SLIT3: variants seen among roughly 807,000 people sequenced by gnomAD.
SLIT3 encodes slit guidance ligand 3, also known as slit homolog 3 protein.
In SLIT3, 68 loss-of-function variants were observed where a neutral mutation model predicts 184.0. The observed-to-expected ratio is 0.37, with a 90% CI of 0.30 to 0.45. The LOEUF (loss-of-function observed/expected upper bound fraction) is 0.45, where lower values mean the gene tolerates loss of function less well. SLIT3 is among the 20% of genes least tolerant of loss of function. SLIT3 has a pLI of 1.00. For synonymous variants in SLIT3, 831 were observed against 828.6 expected, an observed-to-expected ratio of 1.00 and a Z score of -0.05; for missense variants, 1,707 against 2,026.0, an observed-to-expected ratio of 0.84 and a Z score of 3.02.
chr5:169,015,969 C>T (rs1391354252), intron 4 of SLIT3, among the ~76,000 whole-genome samples: 1 of 136,442 alleles, frequency 7.3e-6, no homozygotes, highest in Non-Finnish European at 1.5e-5. Context: ...CACACACACA[C>T]ACACACACAC....
chr5:168,905,932 G>A (rs1554158529), intron 4 of SLIT3, among the ~76,000 whole-genome samples: 2 of 152,188 alleles, frequency 1.3e-5, no homozygotes, highest in Non-Finnish European at 2.9e-5. Context: ...GGAGTGCCAG[G>A]AAGCAAAGCA....
intron 4 of SLIT3, among the ~76,000 whole-genome samples, chr5:169,097,412 A>G (rs1396200512): frequency 1.3e-5 from 2 of 152,148 alleles, no homozygotes; most frequent in South Asian, 2.1e-4. Context: ...GGAAGGAAAA[A>G]AGGAGGAAGA....
intron 3 of SLIT3, among the ~76,000 whole-genome samples, chr5:169,200,341 T>A (rs1763872314): frequency 6.6e-6 from 1 of 152,218 alleles, no homozygotes; most frequent in African/African-American, 2.4e-5. Flanking sequence ...ATGAACTCAA[T>A]TGTTTCCCCT....
At chr5:168,880,611 T>A (rs1322626251) in intron 5 of SLIT3, among the ~76,000 whole-genome samples, 1 of 152,226 alleles carries the variant, frequency 6.6e-6, no homozygotes, top group Admixed American at 6.5e-5. Context: ...AAGTTATTCA[T>A]ATGCATTATT....
chr5:168,767,825 T>C (rs750534477), intron 14 of SLIT3, among the ~76,000 whole-genome samples: 8 of 152,204 alleles, frequency 5.3e-5, no homozygotes, highest in Non-Finnish European at 8.8e-5. Flanking sequence ...GCGTATGCCT[T>C]GGGTATACTT....
At chr5:169,158,517 T>C (rs1363348723) in intron 4 of SLIT3, among the ~76,000 whole-genome samples, 1 of 151,954 alleles carries the variant, frequency 6.6e-6, no homozygotes, top group Non-Finnish European at 1.5e-5. Flanking sequence ...TATTAGAATA[T>C]TCAGAAAAAG....
At chr5:169,281,017 T>C (rs770933930) in intron 1 of SLIT3, among the ~76,000 whole-genome samples, 4 of 152,078 alleles carry the variant, frequency 2.6e-5, no homozygotes, top group Non-Finnish European at 5.9e-5. Flanking sequence ...ACTGTCTCAG[T>C]GTTGGGGTCA....
chr5:168,717,421 G>A (rs1476750620), intron 23 of SLIT3, among the ~76,000 whole-genome samples: 4 of 151,712 alleles, frequency 2.6e-5, no homozygotes, highest in Non-Finnish European at 5.9e-5. Context: ...ACTGGGTTAG[G>A]TGCCTCTCAC....
chr5:168,673,117 T>G, intron 33 of SLIT3, 60 bp downstream of exon 33: 1 of 1,557,084 alleles, frequency 6.4e-7, no homozygotes, highest in Non-Finnish European at 8.8e-7. Flanking sequence ...GGCCTGGGTT[T>G]CTGTACTGGA....
At chr5:168,996,642 A>T (rs556141432) in intron 4 of SLIT3, among the ~76,000 whole-genome samples, 1 of 152,310 alleles carries the variant, frequency 6.6e-6, no homozygotes, top group South Asian at 2.1e-4. Context: ...GCTTGTAGAC[A>T]TTTCACTGAT....
chr5:169,063,429 C>T (rs1437248306), intron 4 of SLIT3, among the ~76,000 whole-genome samples: 1 of 152,216 alleles, frequency 6.6e-6, no homozygotes, highest in Non-Finnish European at 1.5e-5. Flanking sequence ...TCCCACATTC[C>T]CTCGATTCTC....
intron 4 of SLIT3, among the ~76,000 whole-genome samples, chr5:169,088,309 G>T (rs537256559): frequency 2.0e-5 from 3 of 151,896 alleles, no homozygotes; most frequent in African/African-American, 7.3e-5. Context: ...GACACAGCAC[G>T]TATTACAAAG....
At chr5:168,793,958 T>C (rs1739997082) in intron 10 of SLIT3, among the ~76,000 whole-genome samples, 1 of 152,246 alleles carries the variant, frequency 6.6e-6, no homozygotes, top group South Asian at 2.1e-4. Flanking sequence ...TGCCTCATTA[T>C]GTTGGTTTCC....
intron 28 of SLIT3, among the ~76,000 whole-genome samples, chr5:168,693,680 G>A (rs1253931284): frequency 6.6e-6 from 1 of 152,182 alleles, no homozygotes; most frequent in Non-Finnish European, 1.5e-5. Context: ...GGCGGGGAAA[G>A]CTGCCTTAGC....
chr5:169,258,189 C>T (rs937946375), intron 1 of SLIT3, among the ~76,000 whole-genome samples: 1 of 152,142 alleles, frequency 6.6e-6, no homozygotes, highest in Admixed American at 6.5e-5. Flanking sequence ...TGAACCTGGG[C>T]TCTCTGAATG....
intron 6 of SLIT3, among the ~76,000 whole-genome samples, chr5:168,826,612 G>A (rs947415595): frequency 1.3e-5 from 2 of 152,136 alleles, no homozygotes; most frequent in Non-Finnish European, 2.9e-5. Context: ...ATCTCATTAC[G>A]TTTCCTCCTT....
chr5:168,833,796 G>A (rs72827679), intron 6 of SLIT3, among the ~76,000 whole-genome samples: 194 of 152,306 alleles, frequency 1.3e-3, no homozygotes, highest in Non-Finnish European at 1.8e-3. Flanking sequence ...ATGGCTGTGG[G>A]CAAGTCATTT....
intron 4 of SLIT3, among the ~76,000 whole-genome samples, chr5:168,956,777 G>A (rs1762842208): frequency 6.6e-6 from 1 of 151,950 alleles, no homozygotes; most frequent in South Asian, 2.1e-4. Flanking sequence ...TGGTGACAGA[G>A]TGACACTCCA....
At chr5:168,718,886 A>G (rs932007145) in intron 23 of SLIT3, among the ~76,000 whole-genome samples, 23 of 152,310 alleles carry the variant, frequency 1.5e-4, no homozygotes, top group African/African-American at 5.3e-4. Context: ...GTCTCTGGTC[A>G]TTTCTGAAAG....
Sources: gnomAD v4.1 joint callset for allele counts (sites outside exome capture counted in the v4.1 genomes callset) on GRCh38, gnomAD v4.1.1 for gene constraint, MANE v1.5 for transcripts, NCBI Gene and HGNC (gene_info 2026-07-23, HGNC 2026-07-21) for gene names.